The following ARID1B variants were observed in gnomAD, a reference collection of about 807,000 sequenced individuals.
The protein encoded by ARID1B is AT-rich interactive domain-containing protein 1B.
Under a neutral mutation model 212.3 loss-of-function variants are expected in ARID1B, and 30 were observed. The ratio of observed to expected loss-of-function variants is 0.14; its 90% CI spans 0.11 to 0.19. The LOEUF is 0.19. Ranked by LOEUF, ARID1B falls within the 10% of genes least tolerant of loss-of-function variation. The pLI is 1.00. For missense variants in ARID1B, 2,891 were observed against 3,204.0 expected (o/e 0.90, Z 2.36); for synonymous variants, 1,402 against 1,301.7 (o/e 1.08, Z -1.66).
intron 2 of ARID1B, among the ~76,000 whole-genome samples, chr6:156,852,608 A>G (rs1250651581): frequency 6.6e-6 from 1 of 152,170 alleles, no homozygotes; most frequent in Non-Finnish European, 1.5e-5. Flanking sequence ...TGTTTTTCCA[A>G]AACTAACCAC....
intron 4 of ARID1B, among the ~76,000 whole-genome samples, chr6:156,946,421 G>A (rs557873922): frequency 1.3e-5 from 2 of 151,998 alleles, no homozygotes. Context: ...GCCCATTAGT[G>A]AGTGTCCAAG....
intron 1 of ARID1B, among the ~76,000 whole-genome samples, chr6:156,819,966 A>G (rs920551279): frequency 4.6e-5 from 7 of 152,138 alleles, no homozygotes; most frequent in Admixed American, 3.9e-4. Flanking sequence ...CCACAGATTG[A>G]CTTGGTAAGG....
chr6:156,802,565 T>C (rs1321663077), intron 1 of ARID1B, among the ~76,000 whole-genome samples: 1 of 152,258 alleles, frequency 6.6e-6, no homozygotes, highest in African/African-American at 2.4e-5. Flanking sequence ...TGACTGTTCC[T>C]TCACTTTTCT....
At chr6:156,835,362 G>A (rs951453946) in intron 2 of ARID1B, among the ~76,000 whole-genome samples, 2 of 151,894 alleles carry the variant, frequency 1.3e-5, no homozygotes, top group African/African-American at 4.8e-5. Context: ...TGACATTCTT[G>A]GAATGATATG....
chr6:156,953,339 T>C lies in ARID1B; in HGVS notation c.2247+17763T>C, dbSNP rs560256867. ...GACAAACGCCAGAGTTTCACAAATA[T>C]AGAAGTAGCAGTTATAGAGGTGGTT... On this transcript the variant is annotated intron_variant, in intron 4 of 19. Coordinates refer to ENST00000636930, the MANE Select transcript of ARID1B (RefSeq NM_001374828.1). Among the ~76,000 whole-genome samples, 8 of 152,320 alleles carry C rather than the reference T, an allele frequency of 5.3e-5. No individual in the cohort carries two copies. In the East Asian group the frequency reaches 9.6e-4, roughly 18 times the overall value.
intron 4 of ARID1B, among the ~76,000 whole-genome samples, chr6:156,954,026 A>G (rs971582960): frequency 2.6e-5 from 4 of 152,144 alleles, no homozygotes; most frequent in Admixed American, 6.5e-5. Flanking sequence ...TGCATTATTA[A>G]CACAGGCTTT....
At chr6:156,830,638 G>A (rs1045163732) in intron 2 of ARID1B, among the ~76,000 whole-genome samples, 1 of 151,856 alleles carries the variant, frequency 6.6e-6, no homozygotes, top group African/African-American at 2.4e-5. Context: ...GTAAGTCTAT[G>A]TTATAGTAGC....
At position 156,901,539 on chromosome 6, in the gene ARID1B, A is replaced by C. The variant is rs369269925; in HGVS notation, c.2136+14A>C. On this transcript the variant is annotated intron_variant, in intron 3 of 19. Coordinates refer to ENST00000636930, the MANE Select transcript of ARID1B (RefSeq NM_001374828.1). ...CAGCCGCAGCAGGTGAGCACAGTGC[A>C]CTGCCCCGCAGGGCCCTGTTTTCTC... 1.2e-6 allele frequency: 2 copies of C among 1,611,256 alleles called. No individual in the cohort carries two copies. Among genetic ancestry groups the C allele is most frequent in the Non-Finnish European group, 1.7e-6 (2 of 1,179,068 alleles).
chr6:156,780,956 A>AT (rs1358364904), intron 1 of ARID1B, among the ~76,000 whole-genome samples: 4 of 152,252 alleles, frequency 2.6e-5, no homozygotes, highest in Admixed American at 2.6e-4. Flanking sequence ...AAAAATTTGA[A>AT]TTCTGTCAGC....
chr6:157,030,060 A>G (rs1780927421), intron 4 of ARID1B, among the ~76,000 whole-genome samples: 1 of 152,172 alleles, frequency 6.6e-6, no homozygotes, highest in Non-Finnish European at 1.5e-5. Flanking sequence ...GCCACCATTT[A>G]TGTAGCTCAT....
chr6:156,799,896 C>G (rs898616156), intron 1 of ARID1B, among the ~76,000 whole-genome samples: 1 of 152,142 alleles, frequency 6.6e-6, no homozygotes, highest in Non-Finnish European at 1.5e-5. Context: ...GAAGAAGCTG[C>G]GCAGTAATAA....
At chr6:156,982,425 CTTT>C (rs778116375) in intron 4 of ARID1B, among the ~76,000 whole-genome samples, 1 of 124,754 alleles carries the variant, frequency 8.0e-6, no homozygotes, top group Non-Finnish European at 1.7e-5. Context: ...CTCTATGGGT[CTTT>C]TTTTTTTTTT....
intron 14 of ARID1B, 47 bp from the exon 15 acceptor site, chr6:157,189,991 G>GT (rs1449932240): frequency 6.2e-7 from 1 of 1,603,116 alleles, no homozygotes; most frequent in African/African-American, 1.3e-5. Flanking sequence ...CTGTTTGGAG[G>GT]TAACTCCTGC....
intron 4 of ARID1B, among the ~76,000 whole-genome samples, chr6:157,037,775 C>G (rs1781426343): frequency 6.6e-6 from 1 of 152,110 alleles, no homozygotes; most frequent in Admixed American, 6.5e-5. Context: ...GTTGAATAGA[C>G]CCAGTAAAAG....
intron 1 of ARID1B, among the ~76,000 whole-genome samples, chr6:156,788,819 A>T (rs1324452472): frequency 6.6e-6 from 1 of 152,184 alleles, no homozygotes; most frequent in Non-Finnish European, 1.5e-5. Flanking sequence ...AAATGCTGAG[A>T]TTTATAAAAC....
chr6:157,142,946 G>C (rs547501542), intron 7 of ARID1B, among the ~76,000 whole-genome samples: 1 of 152,312 alleles, frequency 6.6e-6, no homozygotes, highest in Non-Finnish European at 1.5e-5. Context: ...GAAACATTTA[G>C]TAGTTTACAA....
At position 157,206,739 on chromosome 6, in the gene ARID1B, A is replaced by G; in HGVS notation, c.5967A>G (p.Glu1989=). 2 of 1,613,214 alleles carry G rather than the reference A, an allele frequency of 1.2e-6. No individual in the cohort carries two copies. The highest frequency in any genetic ancestry group is 1.1e-5 in the South Asian group (1 of 91,084). The stretch of plus-strand genomic sequence containing the variant: ...AGCAAGAAGGCAAAGGCGACTCTGA[A>G]GAGCAGCAAGAGAAAAGCATCATAG... ...KKEQEGKGDS[E]EQQEKSIIAT... Residue 1989 remains glutamate (E), a synonymous_variant, in exon 20 of 20, where the codon GAA becomes GAG. Transcript: ENST00000636930. The surrounding 1 kb of genome is among the most constrained non-coding windows in gnomAD (Gnocchi z 6.8).
intron 4 of ARID1B, among the ~76,000 whole-genome samples, chr6:157,056,965 A>G (rs1368964915): frequency 6.6e-6 from 1 of 151,374 alleles, no homozygotes; most frequent in Admixed American, 6.6e-5. Flanking sequence ...AGCATGCGTC[A>G]TGGGAGTTGT....
intron 5 of ARID1B, among the ~76,000 whole-genome samples, chr6:157,110,160 C>T (rs1786800086): frequency 6.6e-6 from 1 of 152,110 alleles, no homozygotes; most frequent in African/African-American, 2.4e-5. Context: ...GCCCAGCTCT[C>T]CTACGTTTTC....
Sources: gnomAD v4.1 joint callset for allele counts (sites outside exome capture counted in the v4.1 genomes callset) on GRCh38, gnomAD v4.1.1 for gene constraint, Gnocchi (gnomAD v3.1) non-coding constraint, MANE v1.5 for transcripts, NCBI Gene and HGNC (gene_info 2026-07-23, HGNC 2026-07-21) for gene names.